LYRM4: variants seen among roughly 807,000 people sequenced by gnomAD.
LYRM4 encodes LYR motif containing 4.
A neutral mutation model predicts 11.7 loss-of-function variants in LYRM4; 9 were observed. The ratio of observed to expected loss-of-function variants is 0.77; its 90% CI spans 0.46 to 1.34. LYRM4 has a LOEUF of 1.34. Among genes scored for constraint, LYRM4 ranks in the 40% most tolerant of loss-of-function variants. LYRM4 has a pLI of 0.00. For synonymous variants in LYRM4, 42 were observed against 40.4 expected (o/e 1.04, Z -0.15); for missense variants, 133 against 112.5 (o/e 1.18, Z -0.82).
At chr6:5,191,820 A>T (rs2127692241) in intron 2 of LYRM4, among the ~76,000 whole-genome samples, 1 of 152,350 alleles carries the variant, frequency 6.6e-6, no homozygotes, top group East Asian at 1.9e-4. Context: ...CAAACTCAGC[A>T]TGAACCAATA....
At chr6:5,204,139 G>T (rs569926598) in intron 2 of LYRM4, among the ~76,000 whole-genome samples, 1 of 152,316 alleles carries the variant, frequency 6.6e-6, no homozygotes, top group African/African-American at 2.4e-5. Flanking sequence ...GCCAGGACTT[G>T]AAACCACTCC....
intron 2 of LYRM4, among the ~76,000 whole-genome samples, chr6:5,207,692 T>G (rs1481168300): frequency 1.8e-4 from 27 of 152,232 alleles, no homozygotes; most frequent in Non-Finnish European, 2.9e-5. Flanking sequence ...CAAATACTTC[T>G]TAAATAAGGT....
At chr6:5,063,793 T>A in the LYRM4 span, among the ~76,000 whole-genome samples, 1 of 152,162 alleles carries the variant, frequency 6.6e-6, no homozygotes, top group East Asian at 1.9e-4. Flanking sequence ...CAGCCCCTCT[T>A]CAGGCTGCCC....
At chr6:5,136,450 C>T (rs1757102084) in intron 2 of LYRM4, 1 of 973,698 alleles carries the variant, frequency 1.0e-6, no homozygotes, top group Non-Finnish European at 1.2e-6. Flanking sequence ...GGTTTAAACA[C>T]CTGCTCTGCC....
At chr6:5,152,303 T>A (rs1487385824) in intron 2 of LYRM4, among the ~76,000 whole-genome samples, 1 of 152,128 alleles carries the variant, frequency 6.6e-6, no homozygotes, top group African/African-American at 2.4e-5. Flanking sequence ...GGCAAGTATG[T>A]GATGCCAAAA....
intron 2 of LYRM4, among the ~76,000 whole-genome samples, chr6:5,127,061 T>C (rs2127608486): frequency 6.6e-6 from 1 of 152,334 alleles, no homozygotes; most frequent in Admixed American, 6.5e-5. Flanking sequence ...GCAATTCTCC[T>C]GTCTCAACAT....
intron 1 of LYRM4, among the ~76,000 whole-genome samples, chr6:5,243,644 G>A (rs912938877): frequency 1.3e-5 from 2 of 152,152 alleles, no homozygotes; most frequent in Non-Finnish European, 1.5e-5. Context: ...GTGGGTTAAA[G>A]TTAATTACTA....
chr6:5,203,359 C>T (rs1761502659), intron 2 of LYRM4, among the ~76,000 whole-genome samples: 7 of 152,208 alleles, frequency 4.6e-5, no homozygotes, highest in Admixed American at 4.6e-4. Context: ...CTGCCTGGGA[C>T]AGCTGCTTGG....
intron 2 of LYRM4, among the ~76,000 whole-genome samples, chr6:5,131,652 G>C (rs1227120877): frequency 2.0e-5 from 3 of 152,082 alleles, no homozygotes; most frequent in Non-Finnish European, 2.9e-5. Flanking sequence ...AAGAAAGTCT[G>C]AAAAGGCTCA....
chr6:5,134,060 G>A (rs1388666061), intron 2 of LYRM4, among the ~76,000 whole-genome samples: 1 of 152,232 alleles, frequency 6.6e-6, no homozygotes, highest in Non-Finnish European at 1.5e-5. Context: ...TAGTGCTGCT[G>A]TGAACATACG....
downstream of LYRM4, chr6:5,104,630 G>A (rs1176766469): frequency 6.6e-6 from 1 of 152,162 alleles, no homozygotes; most frequent in Non-Finnish European, 1.5e-5. Flanking sequence ...GAAGAAAAGA[G>A]CTACCCTTTC....
the LYRM4 span, among the ~76,000 whole-genome samples, chr6:5,053,572 G>A: frequency 1.3e-5 from 2 of 151,340 alleles, no homozygotes; most frequent in African/African-American, 2.4e-5. Flanking sequence ...AGGCTGCAGC[G>A]AGCTATAATC....
At chr6:5,066,715 T>G in the LYRM4 span, 2 of 834,436 alleles carry the variant, frequency 2.4e-6, no homozygotes, top group Non-Finnish European at 4.0e-6. Context: ...TTTTGTTTTC[T>G]CCATACGATT....
the LYRM4 span, among the ~76,000 whole-genome samples, chr6:5,052,694 C>T: frequency 1.3e-5 from 2 of 152,130 alleles, no homozygotes; most frequent in Non-Finnish European, 2.9e-5. Context: ...TACATAATGC[C>T]ACTGAACTGT....
chr6:5,210,116 T>C (rs1397050279), intron 2 of LYRM4, among the ~76,000 whole-genome samples: 1 of 152,214 alleles, frequency 6.6e-6, no homozygotes, highest in African/African-American at 2.4e-5. Flanking sequence ...ATGATATAAA[T>C]ATATAGCTGG....
intron 2 of LYRM4, chr6:5,187,041 C>T: frequency 1.0e-6 from 1 of 968,206 alleles, no homozygotes; most frequent in African/African-American, 1.8e-5. Flanking sequence ...AAATAAATGA[C>T]AAACGAGGAA....
chr6:5,140,672 G>A (rs1376661120), intron 2 of LYRM4, among the ~76,000 whole-genome samples: 2 of 152,218 alleles, frequency 1.3e-5, no homozygotes, highest in African/African-American at 4.8e-5. Flanking sequence ...TTGGGAACAT[G>A]TAAGGCTTAT....
At chr6:5,249,074 G>A (rs1005827701) in intron 1 of LYRM4, among the ~76,000 whole-genome samples, 1 of 152,186 alleles carries the variant, frequency 6.6e-6, no homozygotes, top group Non-Finnish European at 1.5e-5. Context: ...TTTGGCAGCT[G>A]GACTACCAGT....
the LYRM4 span, among the ~76,000 whole-genome samples, chr6:5,035,549 C>T: frequency 3.9e-5 from 2 of 51,038 alleles, no homozygotes; most frequent in Admixed American, 2.5e-4. Flanking sequence ...CCTTCCTTCC[C>T]TCCCTCCTTC....
Sources: gnomAD v4.1 joint callset for allele counts (sites outside exome capture counted in the v4.1 genomes callset) on GRCh38, gnomAD v4.1.1 for gene constraint, MANE v1.5 for transcripts, NCBI Gene and HGNC (gene_info 2026-07-23, HGNC 2026-07-21) for gene names.